NTM: variants seen among roughly 807,000 people sequenced by gnomAD.
The protein encoded by NTM is neurotrimin, also known as IgLON family member 2.
NTM carries 13 observed loss-of-function variants against 42.1 expected under a neutral mutation model. The ratio of observed to expected loss-of-function variants is 0.31; its 90% CI spans 0.20 to 0.49. The LOEUF (loss-of-function observed/expected upper bound fraction) is 0.49, where lower values mean the gene tolerates loss of function less well. Among genes scored for constraint, NTM ranks in the 20% least tolerant of loss-of-function variants. NTM has a pLI of 0.99. For missense variants in NTM, 373 were observed against 452.8 expected (o/e 0.82, Z 1.60); for synonymous variants, 187 against 179.2 (o/e 1.04, Z -0.35).
chr11:132,025,273 C>T (rs966897851), intron 2 of NTM, among the ~76,000 whole-genome samples: 3 of 152,200 alleles, frequency 2.0e-5, no homozygotes, highest in Non-Finnish European at 4.4e-5. Flanking sequence ...GTCTGCCATC[C>T]TGTGTGCCCA....
chr11:131,929,066 C>T (rs1193211812), intron 2 of NTM, among the ~76,000 whole-genome samples: 2 of 152,242 alleles, frequency 1.3e-5, no homozygotes, highest in African/African-American at 2.4e-5. Flanking sequence ...CCCTGAGACT[C>T]GAGAAGACAA....
At chr11:131,923,231 C>A (rs769754156) in intron 2 of NTM, among the ~76,000 whole-genome samples, 5 of 152,270 alleles carry the variant, frequency 3.3e-5, no homozygotes, top group Admixed American at 6.5e-5. Flanking sequence ...TATTGCTACT[C>A]CCCCTAAAAT....
At chr11:132,241,404 T>G (rs2090163888) in intron 4 of NTM, among the ~76,000 whole-genome samples, 1 of 152,242 alleles carries the variant, frequency 6.6e-6, no homozygotes, top group South Asian at 2.1e-4. Context: ...AGTTACCATG[T>G]GTTGGATGAA....
At chr11:132,016,361 G>C (rs752876484) in intron 2 of NTM, among the ~76,000 whole-genome samples, 2 of 151,746 alleles carry the variant, frequency 1.3e-5, no homozygotes, top group Non-Finnish European at 2.9e-5. Context: ...TCTAACCCCA[G>C]CCTTAGGCAA....
Position 131,927,003 on chromosome 11 carries a change from G to T in NTM, c.167+15355G>T, listed in dbSNP as rs369625694. On this transcript the variant is annotated intron_variant, in intron 2 of 8. Transcript: ENST00000683400. ...AGCTGGCATTTTACGATCATGTATG[G>T]ATGTGTGTGTAAGTATAAGTAGGCA... is the stretch of plus-strand genomic sequence containing the variant. 9.2e-5 allele frequency among the ~76,000 whole-genome samples: 14 copies of T among 152,308 alleles called. 2 individuals are homozygous for T. The highest frequency in any genetic ancestry group is 3.1e-4 in the African/African-American group (13 of 41,554).
chr11:131,691,684 C>G (rs2074759346), intron 1 of NTM, among the ~76,000 whole-genome samples: 1 of 152,202 alleles, frequency 6.6e-6, no homozygotes, highest in Non-Finnish European at 1.5e-5. Context: ...AGCCACCCCG[C>G]GCTCCCGCTC....
intron 3 of NTM, among the ~76,000 whole-genome samples, chr11:132,182,971 C>T (rs2077807879): frequency 6.6e-6 from 1 of 152,140 alleles, no homozygotes; most frequent in African/African-American, 2.4e-5. Flanking sequence ...TTCTGTAAGG[C>T]CCAAACACAT....
chr11:131,531,067 C>G (rs1023323608), intron 1 of NTM, among the ~76,000 whole-genome samples: 8 of 152,192 alleles, frequency 5.3e-5, no homozygotes, highest in Non-Finnish European at 1.0e-4. Context: ...ATTTCCACTT[C>G]ATAGATGAGA....
intron 1 of NTM, among the ~76,000 whole-genome samples, chr11:131,609,551 C>A (rs1397502391): frequency 6.6e-6 from 1 of 152,190 alleles, no homozygotes; most frequent in East Asian, 1.9e-4. Flanking sequence ...CAGGCTTGGA[C>A]TTAATCCCGA....
At chr11:131,501,370 G>C (rs1260824320) in intron 1 of NTM, among the ~76,000 whole-genome samples, 3 of 152,166 alleles carry the variant, frequency 2.0e-5, no homozygotes, top group African/African-American at 7.2e-5. Flanking sequence ...AGATGAAAAG[G>C]AGCTGTCTGT....
rs111565629 is a variant in NTM, at chr11:131,514,664, G to C, written c.82+143776G>C. The stretch of plus-strand genomic sequence containing the variant: ...ACACAATTTCGGGTCACTGCAGCCT[G>C]AACTCCCAGGCTCAAGCAATCCTCC... On this transcript the variant is annotated intron_variant, in intron 1 of 8. Transcript: ENST00000683400. Among the ~76,000 whole-genome samples, 47 of 152,012 alleles carry C rather than the reference G, an allele frequency of 3.1e-4. 1 individual carries two copies. The highest frequency in any genetic ancestry group is 1.4e-3 in the Admixed American group (21 of 15,266).
chr11:131,516,273 G>T (rs946226205), intron 1 of NTM, among the ~76,000 whole-genome samples: 2 of 152,202 alleles, frequency 1.3e-5, no homozygotes, highest in Non-Finnish European at 2.9e-5. Context: ...TAGAACAGAT[G>T]CTTAGTTTAT....
intron 1 of NTM, among the ~76,000 whole-genome samples, chr11:131,776,540 G>A (rs1591765447): frequency 6.6e-6 from 1 of 151,830 alleles, no homozygotes; most frequent in African/African-American, 2.4e-5. Context: ...TTTCCTCAGT[G>A]TCTACCACAA....
chr11:132,271,409 T>C (rs2093469425), intron 4 of NTM, among the ~76,000 whole-genome samples: 1 of 152,182 alleles, frequency 6.6e-6, no homozygotes, highest in South Asian at 2.1e-4. Context: ...CTTGGTTTTA[T>C]ACCTAGGAGT....
At chr11:131,896,068 G>A (rs1452170948) in intron 1 of NTM, among the ~76,000 whole-genome samples, 2 of 152,178 alleles carry the variant, frequency 1.3e-5, no homozygotes, top group Non-Finnish European at 2.9e-5. Flanking sequence ...TCATAGGCAG[G>A]GGGAGCCACT....
chr11:131,777,523 G>A lies in NTM; in HGVS notation c.83-134041G>A, dbSNP rs148871507. Among the ~76,000 whole-genome samples the A allele has an allele frequency of 8.4e-3, 1,174 of 139,570 alleles. 11 individuals carry two copies. The highest frequency in any genetic ancestry group is 0.013 in the Middle Eastern group (3 of 230). 91.6% of individuals were successfully genotyped at this position (139,570 alleles called of 152,430 possible). ...CTCTTCTCTAATGCTACCATTCTTA[G>A]CATGAGTTTGATAACTGCTCTCCAT... On this transcript the variant is annotated intron_variant, in intron 1 of 8. Transcript: ENST00000683400.
chr11:131,625,498 G>GAGAC (rs1231922712), intron 1 of NTM, among the ~76,000 whole-genome samples: 1 of 152,090 alleles, frequency 6.6e-6, no homozygotes, highest in Admixed American at 6.5e-5. Context: ...CAAAGACAGA[G>GAGAC]AGACAGACAG....
chr11:131,689,670 C>T lies in NTM; in HGVS notation c.83-221894C>T, dbSNP rs554102226. Among the ~76,000 whole-genome samples, 55 of 152,246 alleles carry T rather than the reference C, an allele frequency of 3.6e-4. No homozygotes were observed. In the East Asian group the frequency reaches 5.8e-3, roughly 16 times the overall value. ...AGCAGCCTTCTGAGAGGACGGAAAA[C>T]GGAAGGCCAGCAAGGGTGCCATGGA... On this transcript the variant is annotated intron_variant, in intron 1 of 8. Transcript: ENST00000683400.
At position 131,458,271 on chromosome 11, in the gene NTM, TAAG is replaced by T. The variant is rs1190709363; in HGVS notation, c.82+87388_82+87390del. On this transcript the variant is annotated intron_variant, in intron 1 of 8. Coordinates refer to ENST00000683400, the MANE Select transcript of NTM (RefSeq NM_001352005.2). ...CTGGCAGGTGGAGTGAGCTGAGAAC[TAAG>T]AAGAGACTGCTGGGTTTGGCTATGC... Among the ~76,000 whole-genome samples, 4 of 152,154 alleles carry T rather than the reference TAAG, an allele frequency of 2.6e-5. No homozygotes were observed. The East Asian group carries it at 7.7e-4, about 29-fold the overall frequency.
Sources: allele counts gnomAD v4.1 joint callset (sites outside exome capture counted in the v4.1 genomes callset), GRCh38; gene constraint gnomAD v4.1.1; transcripts MANE v1.5; gene names NCBI Gene and HGNC (gene_info 2026-07-23, HGNC 2026-07-21).